The following MGAT4D variants were observed in gnomAD, a reference collection of about 807,000 sequenced individuals.
MGAT4D encodes the protein alpha-1,3-mannosyl-glycoprotein 4-beta-N-acetylglucosaminyltransferase-like protein MGAT4D.
Under a neutral mutation model 15.9 loss-of-function variants are expected in MGAT4D, and 34 were observed. The observed-to-expected ratio is 2.14, with a 90% CI of 1.62 to 2.84. The LOEUF is 2.84. Among genes scored for constraint, MGAT4D ranks in the 30% most tolerant of loss-of-function variants. MGAT4D has a pLI of 0.00. For missense variants in MGAT4D, 327 were observed against 140.2 expected (o/e 2.33, Z -6.73); for synonymous variants, 112 against 48.2 (o/e 2.33, Z -5.49).
chr4:140,478,580 CAG>C (rs1732491497), intron 3 of MGAT4D, among the ~76,000 whole-genome samples: 3 of 152,154 alleles, frequency 2.0e-5, no homozygotes, highest in South Asian at 4.1e-4. Context: ...AGGTGTAAAA[CAG>C]AGATGACAGT....
chr4:140,485,803 C>A (rs189162928), intron 1 of MGAT4D, among the ~76,000 whole-genome samples: 276 of 23,254 alleles, frequency 0.012, 1 homozygote, highest in African/African-American at 0.032. Context: ...AGAGCAAGAC[C>A]CTGTCTTAAA....
chr4:140,459,502 C>A lies in MGAT4D; in HGVS notation c.877+10G>T. The A allele has an allele frequency of 2.2e-6, 1 of 452,336 alleles. No individual in the cohort carries two copies. Among genetic ancestry groups the A allele is most frequent in the Non-Finnish European group, 3.9e-6 (1 of 254,168 alleles). 28.0% of individuals were successfully genotyped at this position (452,336 alleles called of 1,614,324 possible). ...AAAACTTGATCCAACAAAGTAAATCCATTGCTTACCTATGAATCCAAGCAT... is the reference window on the plus strand; with the variant it reads ...AAAACTTGATCCAACAAAGTAAATCAATTGCTTACCTATGAATCCAAGCAT... On this transcript the variant is annotated intron_variant, in intron 8 of 10. Coordinates refer to ENST00000511113, the MANE Select transcript of MGAT4D (RefSeq NM_001277353.2).
At chr4:140,484,299 C>T (rs1178723287) in intron 1 of MGAT4D, among the ~76,000 whole-genome samples, 2 of 152,082 alleles carry the variant, frequency 1.3e-5, no homozygotes, top group African/African-American at 2.4e-5. Flanking sequence ...GTGCTTGATA[C>T]CACTAATCAT....
chr4:140,482,239 A>C (rs2126827163), intron 2 of MGAT4D, 88 bp downstream of exon 2: 1 of 544,652 alleles, frequency 1.8e-6, no homozygotes, highest in Non-Finnish European at 3.2e-6. Context: ...GATATAGTTA[A>C]GTTTATAGAG....
intron 9 of MGAT4D, among the ~76,000 whole-genome samples, chr4:140,452,177 A>G (rs1448363026): frequency 6.6e-6 from 1 of 152,042 alleles, no homozygotes; most frequent in Non-Finnish European, 1.5e-5. Flanking sequence ...TTAAAAAACA[A>G]AAACAAAAAC....
At chr4:140,494,388 C>T (rs977899139) in intron 1 of MGAT4D, among the ~76,000 whole-genome samples, 4 of 152,190 alleles carry the variant, frequency 2.6e-5, no homozygotes, top group African/African-American at 7.2e-5. Context: ...GAAATATCTT[C>T]TTGGTTTAGC....
At chr4:140,472,851 T>C (rs1732058266) in intron 4 of MGAT4D, among the ~76,000 whole-genome samples, 1 of 152,164 alleles carries the variant, frequency 6.6e-6, no homozygotes, top group South Asian at 2.1e-4. Flanking sequence ...ATACTTTCTT[T>C]TAATATTAAT....
intron 2 of MGAT4D, among the ~76,000 whole-genome samples, chr4:140,480,798 T>C (rs1476495933): frequency 3.4e-5 from 5 of 145,032 alleles, no homozygotes; most frequent in South Asian, 2.2e-4. Flanking sequence ...CAGTGGGGCA[T>C]AGTGGCATGC....
chr4:140,498,146 T>C lies in MGAT4D; in HGVS notation c.77A>G (p.Tyr26Cys). Residue 26 changes from tyrosine to cysteine, a missense_variant, in exon 1 of 11, where the codon TAC becomes TGC. By Grantham distance (194) the Tyr-to-Cys change is radical (BLOSUM62 -2). Coordinates refer to ENST00000511113, the MANE Select transcript of MGAT4D (RefSeq NM_001277353.2). ...CCGCTTACTGGTTTGAGTTATCCTG[T>C]AGATGGAGAAGCAAGAGAAGCTGAA... ...ALFSFSCFSIYRITQTNNQLI... is the reference protein window; with the variant it reads ...ALFSFSCFSICRITQTNNQLI... 1 of 702,516 alleles carries C rather than the reference T, an allele frequency of 1.4e-6. No individual in the cohort carries two copies. The highest frequency in any genetic ancestry group is 2.6e-6 in the Non-Finnish European group (1 of 384,646). The allele number at this position is 702,516 out of a possible 1,614,324, so 43.5% of individuals were successfully genotyped here.
intron 1 of MGAT4D, among the ~76,000 whole-genome samples, chr4:140,491,341 G>T (rs1174891485): frequency 4.6e-5 from 7 of 152,248 alleles, no homozygotes; most frequent in Middle Eastern, 3.4e-3. Context: ...CAAGGGAAGA[G>T]AGATCCCCAA....
intron 1 of MGAT4D, among the ~76,000 whole-genome samples, chr4:140,483,662 C>T (rs1732894348): frequency 6.6e-6 from 1 of 152,088 alleles, no homozygotes; most frequent in Non-Finnish European, 1.5e-5. Context: ...GGCATAATAA[C>T]AGACACATAG....
At chr4:140,483,994 G>T (rs1452190917) in intron 1 of MGAT4D, among the ~76,000 whole-genome samples, 3 of 151,952 alleles carry the variant, frequency 2.0e-5, no homozygotes, top group Non-Finnish European at 4.4e-5. Context: ...GATAACAAAA[G>T]ACAAAATAAA....
chr4:140,489,342 C>G (rs1360663745), intron 1 of MGAT4D, among the ~76,000 whole-genome samples: 7 of 152,140 alleles, frequency 4.6e-5, no homozygotes, highest in Non-Finnish European at 1.5e-5. Flanking sequence ...TGAGTGGCCC[C>G]TCTGTGCATT....
chr4:140,459,540 A>T lies in MGAT4D; in HGVS notation c.849T>A (p.Phe283Leu). The T allele has an allele frequency of 1.9e-6, 1 of 515,898 alleles. No individual in the cohort carries two copies. The highest frequency in any genetic ancestry group is 3.4e-6 in the Non-Finnish European group (1 of 291,446). 32.0% of individuals were successfully genotyped at this position (515,898 alleles called of 1,614,324 possible). The change falls in exon 8 of 11, where the codon TTT becomes TTA. Residue 283 changes from phenylalanine to leucine, a missense_variant. Coordinates refer to ENST00000511113, the MANE Select transcript of MGAT4D (RefSeq NM_001277353.2). The part of the protein sequence containing the change: ...VGNISSNNWF[F>L]IEFSMLGFIG... Reference sequence around the variant, plus strand: ...TGAATCCAAGCATTGAAAACTCAATAAAAAACCAATTATTTGAACTGATAT... The same window carrying T: ...TGAATCCAAGCATTGAAAACTCAATTAAAAACCAATTATTTGAACTGATAT...
Position 140,451,883 on chromosome 4 carries a change from A to G in MGAT4D, c.1009-366T>C, listed in dbSNP as rs371941734. 2.8e-4 allele frequency among the ~76,000 whole-genome samples: 42 copies of G among 152,138 alleles called. No individual in the cohort carries two copies. In the South Asian group the frequency reaches 8.3e-3, roughly 30 times the overall value. On this transcript the variant is annotated intron_variant, in intron 9 of 10. Coordinates refer to ENST00000511113, the MANE Select transcript of MGAT4D (RefSeq NM_001277353.2). ...CTTTCACTTCCTATATTCATTGACT[A>G]ATTTCTTTATTGAATTATATCACCT...
chr4:140,479,682 CT>C (rs1385415667), intron 2 of MGAT4D, 55 bp from the exon 3 acceptor site: 8 of 375,830 alleles, frequency 2.1e-5, no homozygotes, highest in Admixed American at 4.6e-5. Flanking sequence ...TTTTCTCCCC[CT>C]GGAATAATTT....
intron 5 of MGAT4D, 107 bp downstream of exon 5, chr4:140,471,668 T>C (rs1301424880): frequency 6.1e-5 from 18 of 295,828 alleles, no homozygotes; most frequent in Admixed American, 1.0e-4. Flanking sequence ...GCTATACTCA[T>C]TAAAAAGAAT....
intron 10 of MGAT4D, among the ~76,000 whole-genome samples, chr4:140,446,886 A>G (rs1414162157): frequency 2.7e-5 from 4 of 150,136 alleles, no homozygotes; most frequent in Non-Finnish European, 5.9e-5. Context: ...TGTGTCCCAG[A>G]AATTCTGGTA....
chr4:140,475,757 C>CAGCT (rs1007537781), intron 3 of MGAT4D, among the ~76,000 whole-genome samples: 7 of 144,968 alleles, frequency 4.8e-5, no homozygotes, highest in Admixed American at 1.4e-4. Flanking sequence ...TTGGAAGGAA[C>CAGCT]AGCTGATTGC....
Sources: gnomAD v4.1 joint callset for allele counts (sites outside exome capture counted in the v4.1 genomes callset) on GRCh38, gnomAD v4.1.1 for gene constraint, MANE v1.5 for transcripts, NCBI Gene and HGNC (gene_info 2026-07-23, HGNC 2026-07-21) for gene names.